Variants in TPST1 observed in about 807,000 individuals in gnomAD.
TPST1 encodes protein-tyrosine sulfotransferase 1.
A neutral mutation model predicts 34.8 loss-of-function variants in TPST1; 20 were observed. The observed-to-expected ratio is 0.57, with a 90% CI of 0.40 to 0.84. TPST1 has a LOEUF of 0.84. Ranked by LOEUF, TPST1 falls within the 40% of genes least tolerant of loss-of-function variation. The probability of loss-of-function intolerance (pLI) is 0.00; values close to 1 mark genes in which losing one functional copy is unlikely to be tolerated. For missense variants in TPST1, 353 were observed against 455.5 expected (o/e 0.78, Z 2.05); for synonymous variants, 152 against 159.4 (o/e 0.95, Z 0.35).
At chr7:66,252,386 C>G (rs1417660056) in intron 2 of TPST1, among the ~76,000 whole-genome samples, 1 of 129,494 alleles carries the variant, frequency 7.7e-6, no homozygotes, top group Non-Finnish European at 1.6e-5. Context: ...GACGGAGTCT[C>G]GCTCTGTCGC....
chr7:66,286,690 T>G lies in TPST1; in HGVS notation c.1025T>G (p.Ile342Ser). ...PPNYGKPDPK[I>S]IENTRRVYKG... ...AACTACGGAAAACCTGATCCCAAAATTATTGAAAACACTCGAAGGGTAAGT... is the reference window on the plus strand; with the variant it reads ...AACTACGGAAAACCTGATCCCAAAAGTATTGAAAACACTCGAAGGGTAAGT... The change falls in exon 3 of 6, where the codon ATT becomes AGT. Residue 342 changes from isoleucine to serine, a missense_variant. By Grantham distance (142) the Ile-to-Ser change is moderately radical (BLOSUM62 -2). Transcript: ENST00000304842. 6.3e-7 allele frequency: 1 copy of G among 1,578,390 alleles called. No homozygotes were observed. The highest frequency in any genetic ancestry group is 8.6e-7 in the Non-Finnish European group (1 of 1,160,670).
At chr7:66,272,467 T>C (rs1790722659) in intron 2 of TPST1, among the ~76,000 whole-genome samples, 2 of 152,064 alleles carry the variant, frequency 1.3e-5, no homozygotes, top group Admixed American at 6.6e-5. Flanking sequence ...AGAAGGAAGG[T>C]ATGTCAACAC....
intron 3 of TPST1, among the ~76,000 whole-genome samples, chr7:66,302,887 C>G (rs1384104435): frequency 6.6e-6 from 1 of 152,142 alleles, no homozygotes; most frequent in East Asian, 1.9e-4. Flanking sequence ...AGATTCTTTG[C>G]CTTCTGCTTT....
chr7:66,225,013 G>A (rs964968413), intron 1 of TPST1, among the ~76,000 whole-genome samples: 1 of 140,908 alleles, frequency 7.1e-6, no homozygotes, highest in African/African-American at 2.7e-5. Context: ...CACCTCCTGG[G>A]TTCAAGCGAT....
intron 3 of TPST1, among the ~76,000 whole-genome samples, chr7:66,304,813 G>A (rs1293172898): frequency 6.9e-6 from 1 of 143,894 alleles, no homozygotes; most frequent in African/African-American, 2.5e-5. Context: ...TACAGAGTTA[G>A]CCATTTCCTT....
intron 3 of TPST1, among the ~76,000 whole-genome samples, chr7:66,346,959 G>A (rs1792363452): frequency 6.6e-6 from 1 of 150,380 alleles, no homozygotes. Flanking sequence ...ATAGTTTGAG[G>A]TTTTAGATTT....
intron 3 of TPST1, among the ~76,000 whole-genome samples, chr7:66,345,918 T>C (rs1478836029): frequency 6.6e-6 from 1 of 152,134 alleles, no homozygotes; most frequent in African/African-American, 2.4e-5. Flanking sequence ...CTAGATTTTA[T>C]TCCTTCTATC....
intron 2 of TPST1, among the ~76,000 whole-genome samples, chr7:66,268,268 T>C (rs1183607461): frequency 6.6e-6 from 1 of 152,170 alleles, no homozygotes; most frequent in East Asian, 1.9e-4. Context: ...GGCTACTTTT[T>C]AAAATATGCC....
rs373173300 is a variant in TPST1, at chr7:66,349,209, A to G, written c.1045-3296A>G. On this transcript the variant is annotated intron_variant, in intron 3 of 5. Transcript: ENST00000304842. ...CCTGGGCTTGAGTTAAACGTTCTGCATAAATTCTAGCAGAAGAGGCTAGCT... is the reference window on the plus strand; with the variant it reads ...CCTGGGCTTGAGTTAAACGTTCTGCGTAAATTCTAGCAGAAGAGGCTAGCT... Among the ~76,000 whole-genome samples, 24 of 152,336 alleles carry G rather than the reference A, an allele frequency of 1.6e-4. 1 individual carries two copies. The South Asian group carries it at 4.6e-3, about 29-fold the overall frequency.
intron 2 of TPST1, among the ~76,000 whole-genome samples, chr7:66,253,379 T>G (rs1474782474): frequency 6.6e-6 from 1 of 150,926 alleles, no homozygotes; most frequent in Admixed American, 6.6e-5. Flanking sequence ...TCTTTTTTTT[T>G]TTTTTTTTTG....
chr7:66,307,102 C>A (rs183536558), intron 3 of TPST1, among the ~76,000 whole-genome samples: 178 of 151,988 alleles, frequency 1.2e-3, no homozygotes, highest in Non-Finnish European at 1.8e-3. Context: ...GGTGGCTTAA[C>A]CTCACCATAA....
intron 2 of TPST1, among the ~76,000 whole-genome samples, chr7:66,258,854 A>G (rs1032750534): frequency 1.3e-5 from 2 of 152,182 alleles, no homozygotes; most frequent in Admixed American, 1.3e-4. Context: ...CATAGTGTGG[A>G]CTTATGGTTC....
In TPST1 at chr7:66,345,730, A is replaced by T. The variant is rs1474473712; in HGVS notation, c.1045-6775A>T. ...TGGTAGGTGTATATATTTATGGGGTACATGAGATATTTTGATGCGGGTATA... is the reference window on the plus strand; with the variant it reads ...TGGTAGGTGTATATATTTATGGGGTTCATGAGATATTTTGATGCGGGTATA... On this transcript the variant is annotated intron_variant, in intron 3 of 5. Coordinates refer to ENST00000304842, the MANE Select transcript of TPST1 (RefSeq NM_003596.4). 2.0e-5 allele frequency among the ~76,000 whole-genome samples: 3 copies of T among 152,094 alleles called. No individual in the cohort carries two copies. The East Asian group carries it at 5.8e-4, about 29-fold the overall frequency.
At chr7:66,253,844 C>T (rs762348713) in intron 2 of TPST1, among the ~76,000 whole-genome samples, 11 of 151,492 alleles carry the variant, frequency 7.3e-5, no homozygotes, top group Non-Finnish European at 1.5e-4. Context: ...TATACCCCAG[C>T]CTGGCCAACA....
intron 1 of TPST1, among the ~76,000 whole-genome samples, chr7:66,220,279 A>G (rs1420837406): frequency 6.6e-6 from 1 of 152,168 alleles, no homozygotes; most frequent in Non-Finnish European, 1.5e-5. Context: ...AAGATAAGAT[A>G]TAGTCAATAT....
chr7:66,240,695 C>CA lies in TPST1; in HGVS notation c.270_271insA (p.Ala91SerfsTer4). The CA allele has an allele frequency of 6.2e-7, 1 of 1,614,114 alleles. No homozygotes were observed. The highest frequency in any genetic ancestry group is 1.6e-4 in the Middle Eastern group (1 of 6,062). On this transcript the variant is annotated frameshift_variant, in exon 2 of 6. Transcript: ENST00000304842. LOFTEE classifies it high-confidence loss of function. The stretch of plus-strand genomic sequence containing the variant: ...CCACACTCATGAGGGCCATGCTGGA[C>CA]GCACATCCTGACATTCGCTGTGGAG...
intron 1 of TPST1, among the ~76,000 whole-genome samples, chr7:66,222,019 A>G (rs1327408076): frequency 6.6e-6 from 1 of 152,110 alleles, no homozygotes; most frequent in Non-Finnish European, 1.5e-5. Context: ...TATTTGCTTT[A>G]TATCAGATGA....
chr7:66,306,863 G>A (rs1320883178), intron 3 of TPST1, among the ~76,000 whole-genome samples: 5 of 151,030 alleles, frequency 3.3e-5, no homozygotes, highest in African/African-American at 4.9e-5. Flanking sequence ...ACGGGCAGCC[G>A]CCACCATGCA....
intron 3 of TPST1, among the ~76,000 whole-genome samples, chr7:66,337,299 ATTTTT>A (rs749288846): frequency 2.7e-4 from 29 of 107,722 alleles, no homozygotes; most frequent in Admixed American, 4.4e-4. Flanking sequence ...TAAAAGACAA[ATTTTT>A]TTTTTTTTTT....
Sources: allele counts gnomAD v4.1 joint callset (sites outside exome capture counted in the v4.1 genomes callset), GRCh38; gene constraint gnomAD v4.1.1; transcripts MANE v1.5; gene names NCBI Gene and HGNC (gene_info 2026-07-23, HGNC 2026-07-21).